ROS1: variants seen among roughly 807,000 people sequenced by gnomAD.
ROS1 encodes ROS proto-oncogene 1, receptor tyrosine kinase, also known as proto-oncogene tyrosine-protein kinase ROS.
ROS1 carries 263 observed loss-of-function variants against 273.5 expected under a neutral mutation model. The observed-to-expected ratio is 0.96, with a 90% CI of 0.87 to 1.06. The LOEUF (loss-of-function observed/expected upper bound fraction) is 1.06. ROS1 is among the 50% of genes least tolerant of loss of function. The pLI is 0.00. For synonymous variants in ROS1, 1,008 were observed against 954.1 expected, an observed-to-expected ratio of 1.06 and a Z score of -1.04; for missense variants, 2,833 against 2,751.1, an observed-to-expected ratio of 1.03 and a Z score of -0.67.
In ROS1 at chr6:117,319,847, G is replaced by A. The variant is rs553960641; in HGVS notation, c.5922+21C>T. 1.0e-5 allele frequency: 16 copies of A among 1,605,204 alleles called. 1 individual carries two copies. The highest frequency in any genetic ancestry group is 1.7e-4 in the Middle Eastern group (1 of 6,032). On this transcript the variant is annotated intron_variant, in intron 37 of 43. Coordinates refer to ENST00000368507, the MANE Select transcript of ROS1 (RefSeq NM_001378902.1). The stretch of plus-strand genomic sequence containing the variant: ...AGATATGGTGATATAATGTGTCAAG[G>A]AGTTCGAAGATTCACATTACCTTCA...
chr6:117,424,319 C>CAT (rs143179202), intron 1 of ROS1, among the ~76,000 whole-genome samples: 98 of 150,760 alleles, frequency 6.5e-4, no homozygotes, highest in East Asian at 1.6e-3. Flanking sequence ...TATATGTATA[C>CAT]ATATATATAT....
Position 117,329,375 on chromosome 6 carries a change from C to T in ROS1, c.5302G>A (p.Ala1768Thr), listed in dbSNP as rs1776887404. 1 of 1,599,166 alleles carries T rather than the reference C, an allele frequency of 6.3e-7. No homozygotes were observed. Among genetic ancestry groups the T allele is most frequent in the South Asian group, 1.1e-5 (1 of 90,522 alleles). ...GTAATTCTACATCCATTATCTTCAG[C>T]TTTCTCCCACTGTATTGAATTTTTA... ...GSKNSIQWEK[A>T]EDNGCRITYY... Residue 1768 changes from alanine (A) to threonine (T), a missense_variant, in exon 33 of 44, where the codon GCT becomes ACT. By Grantham distance (58) the Ala-to-Thr change is moderately conservative. Transcript: ENST00000368507.
intron 41 of ROS1, 81 bp downstream of exon 41, chr6:117,310,000 A>T: frequency 7.9e-7 from 1 of 1,258,022 alleles, no homozygotes; most frequent in East Asian, 2.3e-5. Flanking sequence ...ACATTAAAAA[A>T]GCAAGATTAG....
intron 27 of ROS1, among the ~76,000 whole-genome samples, chr6:117,352,007 A>T (rs1241568486): frequency 6.6e-6 from 1 of 152,226 alleles, no homozygotes; most frequent in Admixed American, 6.5e-5. Context: ...GGAGAGTTAT[A>T]GTTAATTTAG....
intron 42 of ROS1, among the ~76,000 whole-genome samples, chr6:117,302,933 C>T (rs1774841615): frequency 6.6e-6 from 1 of 152,132 alleles, no homozygotes; most frequent in South Asian, 2.1e-4. Flanking sequence ...GTATCTTCAC[C>T]CTCCCGCCTC....
Position 117,404,278 on chromosome 6 carries a change from A to G in ROS1, c.465+2T>C. 1 of 1,613,492 alleles carries G rather than the reference A, an allele frequency of 6.2e-7. No homozygotes were observed. The highest frequency in any genetic ancestry group is 1.7e-5 in the Admixed American group (1 of 59,976). On this transcript the variant is annotated splice_donor_variant, in intron 6 of 43. Coordinates refer to ENST00000368507, the MANE Select transcript of ROS1 (RefSeq NM_001378902.1). LOFTEE classifies it high-confidence loss of function. ...TTGAGGTACAAAGGCAGCCTTTCAT[A>G]CCTTAGTATAAGTCCAGCTTCCCAG...
chr6:117,350,271 A>G (rs144814779), intron 27 of ROS1, among the ~76,000 whole-genome samples: 1,872 of 152,124 alleles, frequency 0.012, 14 homozygotes, highest in Non-Finnish European at 0.02. Context: ...ATTCTAGGTT[A>G]GTGTTTTTTT....
chr6:117,417,778 G>A (rs1409316966), intron 2 of ROS1, among the ~76,000 whole-genome samples: 2 of 152,162 alleles, frequency 1.3e-5, no homozygotes, highest in African/African-American at 2.4e-5. Context: ...TTCTCTGATC[G>A]ATAGGCTTTT....
chr6:117,290,837 CT>C (rs1264943435), intron 43 of ROS1, among the ~76,000 whole-genome samples: 1 of 152,150 alleles, frequency 6.6e-6, no homozygotes, highest in Admixed American at 6.5e-5. Flanking sequence ...CACTTCTTTG[CT>C]TTAAAAAGTC....
intron 42 of ROS1, among the ~76,000 whole-genome samples, chr6:117,303,871 A>G (rs1774918551): frequency 6.6e-6 from 1 of 152,196 alleles, no homozygotes; most frequent in South Asian, 2.1e-4. Context: ...AGAAATCATT[A>G]TAGGTATTGT....
intron 4 of ROS1, among the ~76,000 whole-genome samples, chr6:117,413,477 A>T (rs1430819287): frequency 6.6e-6 from 1 of 152,060 alleles, no homozygotes; most frequent in Admixed American, 6.6e-5. Flanking sequence ...AAGGGATGAA[A>T]TACAGGACAG....
At chr6:117,307,317 T>C (rs547434816) in intron 42 of ROS1, among the ~76,000 whole-genome samples, 2 of 152,268 alleles carry the variant, frequency 1.3e-5, no homozygotes, top group African/African-American at 4.8e-5. Context: ...ACGTTAACCC[T>C]TGGGGAGAGA....
chr6:117,302,145 GGTCTTTTTCAGA>G (rs1461656716), intron 42 of ROS1, among the ~76,000 whole-genome samples: 2 of 152,094 alleles, frequency 1.3e-5, no homozygotes, highest in African/African-American at 4.8e-5. Flanking sequence ...TAATTAACTA[GGTCTTTTTCAGA>G]GTCCCTACCT....
chr6:117,338,585 T>C (rs916010813), intron 31 of ROS1, among the ~76,000 whole-genome samples: 1 of 151,818 alleles, frequency 6.6e-6, no homozygotes, highest in African/African-American at 2.4e-5. Context: ...TCCTTCATTA[T>C]CTGGTGGAGA....
chr6:117,369,383 C>T (rs1048250393), intron 18 of ROS1, among the ~76,000 whole-genome samples: 1 of 152,074 alleles, frequency 6.6e-6, no homozygotes, highest in African/African-American at 2.4e-5. Context: ...CTCTCCCTGG[C>T]TAACATGGTG....
chr6:117,423,025 CA>C (rs372602303), intron 1 of ROS1, among the ~76,000 whole-genome samples: 52 of 142,916 alleles, frequency 3.6e-4, no homozygotes, highest in Admixed American at 6.3e-4. Context: ...TTTGTTAATT[CA>C]AAAAAAAAAG....
chr6:117,349,124 T>A lies in ROS1; in HGVS notation c.4303+3866A>T, dbSNP rs1778604459. On this transcript the variant is annotated intron_variant, in intron 27 of 43. Coordinates refer to ENST00000368507, the MANE Select transcript of ROS1 (RefSeq NM_001378902.1). The stretch of plus-strand genomic sequence containing the variant: ...GATGGTGTTATTGAGTTCATCAGTA[T>A]ATCCTTAGTGATTTTTTTTCTGCTG... 2.6e-5 allele frequency among the ~76,000 whole-genome samples: 4 copies of A among 152,120 alleles called. No homozygotes were observed. The South Asian group carries it at 8.3e-4, about 31-fold the overall frequency.
At chr6:117,307,308 C>T (rs187610669) in intron 42 of ROS1, among the ~76,000 whole-genome samples, 3 of 152,236 alleles carry the variant, frequency 2.0e-5, no homozygotes, top group African/African-American at 4.8e-5. Flanking sequence ...TGACGAGGCA[C>T]GTTAACCCTT....
At chr6:117,309,955 C>T (rs1775407506) in intron 41 of ROS1, 126 bp downstream of exon 41, 2 of 856,526 alleles carry the variant, frequency 2.3e-6, no homozygotes, top group Non-Finnish European at 3.7e-6. Context: ...TAGCTTGAGG[C>T]AAATCACTTA....
Sources: gnomAD v4.1 joint callset for allele counts (sites outside exome capture counted in the v4.1 genomes callset) on GRCh38, gnomAD v4.1.1 for gene constraint, MANE v1.5 for transcripts, NCBI Gene and HGNC (gene_info 2026-07-23, HGNC 2026-07-21) for gene names.